ZCCHC2: variants seen among roughly 807,000 people sequenced by gnomAD.
ZCCHC2 encodes zinc finger CCHC domain-containing protein 2.
A neutral mutation model predicts 103.6 loss-of-function variants in ZCCHC2; 39 were observed. That is an observed-to-expected ratio of 0.38 (90% CI 0.29 to 0.49). ZCCHC2 has a LOEUF of 0.49. Ranked by LOEUF, ZCCHC2 falls within the 20% of genes least tolerant of loss-of-function variation. ZCCHC2 has a pLI of 0.96. For synonymous variants in ZCCHC2, 687 were observed against 608.9 expected (o/e 1.13, Z -1.89); for missense variants, 1,483 against 1,491.0 (o/e 0.99, Z 0.09).
chr18:62,525,391 T>G (rs1327238767), intron 1 of ZCCHC2: 2 of 152,206 alleles, frequency 1.3e-5, no homozygotes, highest in Non-Finnish European at 2.9e-5. Context: ...AGATTATTTG[T>G]GGGGTCACAG....
At chr18:62,549,070 T>A (rs1395998656) in intron 4 of ZCCHC2, among the ~76,000 whole-genome samples, 1 of 151,410 alleles carries the variant, frequency 6.6e-6, no homozygotes, top group Non-Finnish European at 1.5e-5. Flanking sequence ...ATACAAAAAA[T>A]TAGCTGGGGG....
At chr18:62,553,946 A>C (rs574349336) in intron 5 of ZCCHC2, among the ~76,000 whole-genome samples, 1 of 152,290 alleles carries the variant, frequency 6.6e-6, no homozygotes, top group African/African-American at 2.4e-5. Context: ...AGATTTATTG[A>C]TCTTTTCTCT....
At chr18:62,551,982 G>A (rs1238923609) in intron 5 of ZCCHC2, 4 of 152,078 alleles carry the variant, frequency 2.6e-5, no homozygotes, top group Admixed American at 2.6e-4. Context: ...AGGGAATTGG[G>A]ACCAGTGAGT....
At chr18:62,579,827 A>T (rs1916993127), downstream of ZCCHC2, among the ~76,000 whole-genome samples, 1 of 151,752 alleles carries the variant, frequency 6.6e-6, no homozygotes, top group South Asian at 2.1e-4. Flanking sequence ...GGTTCAAGTG[A>T]TTCTCCTGCC....
chr18:62,556,705 C>A (rs199800606), intron 6 of ZCCHC2, among the ~76,000 whole-genome samples: 1 of 152,190 alleles, frequency 6.6e-6, no homozygotes, highest in East Asian at 1.9e-4. Context: ...TCTCACTCTG[C>A]CTCTTTGTTT....
In ZCCHC2 at chr18:62,523,271, C is replaced by G. The variant is rs1230875318; in HGVS notation, c.-154C>G. On this transcript the variant is annotated 5_prime_UTR_variant, in exon 1 of 14. Coordinates refer to ENST00000269499, the MANE Select transcript of ZCCHC2 (RefSeq NM_017742.6). ...ACCCCGCCGGCCGGCCACCGCCCCC[C>G]TCGCCGGCCGAGACCCGCCCCCGGC... The G allele has an allele frequency of 6.6e-5, 47 of 710,950 alleles. No individual in the cohort carries two copies. Among genetic ancestry groups the G allele is most frequent in the Non-Finnish European group, 7.9e-5 (46 of 579,558 alleles). 44.0% of individuals were successfully genotyped at this position (710,950 alleles called of 1,614,324 possible). A position where few individuals can be genotyped will look rare whatever the true frequency, so the allele number is the denominator to read the frequency against.
intron 11 of ZCCHC2, among the ~76,000 whole-genome samples, chr18:62,567,968 A>G (rs1916445233): frequency 6.6e-6 from 1 of 150,770 alleles, no homozygotes; most frequent in Non-Finnish European, 1.5e-5. Flanking sequence ...AAGAATGCTC[A>G]TCATTGTAGT....
chr18:62,538,107 G>A (rs1915005949), intron 1 of ZCCHC2, among the ~76,000 whole-genome samples: 1 of 151,950 alleles, frequency 6.6e-6, no homozygotes, highest in Admixed American at 6.6e-5. Flanking sequence ...TTAAGCAATG[G>A]TTGACTGGCC....
intron 13 of ZCCHC2, 34 bp from the exon 14 acceptor site, chr18:62,576,478 A>G: frequency 2.5e-6 from 4 of 1,582,788 alleles, no homozygotes; most frequent in Non-Finnish European, 3.5e-6. Flanking sequence ...GTTTGCTTGT[A>G]AGCGGTGACT....
In ZCCHC2 at chr18:62,576,833, G is replaced by T; in HGVS notation, c.*254G>T. 7 of 277,302 alleles carry T rather than the reference G, an allele frequency of 2.5e-5. No homozygotes were observed. The highest frequency in any genetic ancestry group is 5.7e-5 in the South Asian group (1 of 17,482). The allele number at this position is 277,302 out of a possible 1,614,324, so 17.2% of individuals were successfully genotyped here. ...TTTAAACCTTCAGACAAACTTAAAT[G>T]TTGGTGCGTGCTTTTTTTTTTTTTT... On this transcript the variant is annotated 3_prime_UTR_variant, in exon 14 of 14. Transcript: ENST00000269499.
At chr18:62,564,664 A>G (rs1916269362) in intron 10 of ZCCHC2, 29 bp downstream of exon 10, 1 of 1,472,436 alleles carries the variant, frequency 6.8e-7, no homozygotes, top group Non-Finnish European at 9.2e-7. Context: ...AAGACAGCAT[A>G]TAGCCTTTGA....
rs1313922911 is a variant in ZCCHC2, at chr18:62,564,633, A to G, written c.1749A>G (p.Glu583=). The G allele has an allele frequency of 6.5e-7, 1 of 1,542,062 alleles. No individual in the cohort carries two copies. Among genetic ancestry groups the G allele is most frequent in the Non-Finnish European group, 8.8e-7 (1 of 1,141,520 alleles). The change falls in exon 10 of 14, where the codon GAA becomes GAG. Residue 583 remains glutamate, a splice_region_variant and synonymous_variant. Coordinates refer to ENST00000269499, the MANE Select transcript of ZCCHC2 (RefSeq NM_017742.6). The stretch of plus-strand genomic sequence containing the variant: ...AGAAGAAAGGAAAGCCACAAACAGA[A>G]AAGTAGGTTCAATTTAAGGAAAGAC... ...INKKKGKPQT[E]KEKIKKTDNR...
At position 62,546,352 on chromosome 18, in the gene ZCCHC2, A is replaced by G. The variant is rs73963446; in HGVS notation, c.1200+1479A>G. Reference sequence around the variant, plus strand: ...TGACGTTCTAATTACAGAGGAGGCTAAGCAGGGCTGCCTCACCCCACCGCC... The same window carrying G: ...TGACGTTCTAATTACAGAGGAGGCTGAGCAGGGCTGCCTCACCCCACCGCC... On this transcript the variant is annotated intron_variant, in intron 4 of 13. Coordinates refer to ENST00000269499, the MANE Select transcript of ZCCHC2 (RefSeq NM_017742.6). 6.8e-3 allele frequency among the ~76,000 whole-genome samples: 1,037 copies of G among 152,270 alleles called. 8 individuals carry two copies. Among genetic ancestry groups the G allele is most frequent in the African/African-American group, 0.023 (976 of 41,534 alleles).
At chr18:62,571,440 T>A (rs1489807989) in intron 12 of ZCCHC2, among the ~76,000 whole-genome samples, 1 of 152,256 alleles carries the variant, frequency 6.6e-6, no homozygotes, top group East Asian at 1.9e-4. Flanking sequence ...CAGATCGAGC[T>A]GTTTTTCTTG....
At chr18:62,564,486 CTA>C (rs1393850928) in intron 9 of ZCCHC2, 83 bp from the exon 10 acceptor site, 2 of 986,096 alleles carry the variant, frequency 2.0e-6, no homozygotes, top group African/African-American at 3.3e-5. Flanking sequence ...AACTGGGAAT[CTA>C]TCATTTTAAT....
At chr18:62,553,154 T>TTA (rs1389027221) in intron 5 of ZCCHC2, among the ~76,000 whole-genome samples, 13 of 125,814 alleles carry the variant, frequency 1.0e-4, no homozygotes, top group African/African-American at 3.8e-4. Context: ...GCCCTTAGAT[T>TTA]TATGTGTGTG....
At chr18:62,530,455 A>G (rs918471977) in intron 1 of ZCCHC2, among the ~76,000 whole-genome samples, 1 of 152,192 alleles carries the variant, frequency 6.6e-6, no homozygotes, top group East Asian at 1.9e-4. Context: ...CTTTCTTGAG[A>G]TTAGTGCTCA....
intron 11 of ZCCHC2, 72 bp from the exon 12 acceptor site, chr18:62,570,031 C>G: frequency 7.1e-7 from 1 of 1,417,606 alleles, no homozygotes; most frequent in Non-Finnish European, 9.4e-7. Flanking sequence ...AAATTAATTT[C>G]TAATGATTCA....
chr18:62,548,470 G>A (rs1411233485), intron 4 of ZCCHC2, among the ~76,000 whole-genome samples: 1 of 152,176 alleles, frequency 6.6e-6, no homozygotes, highest in Non-Finnish European at 1.5e-5. Flanking sequence ...TTTGGTAGTT[G>A]AAATAGACTT....
Sources: allele counts gnomAD v4.1 joint callset (sites outside exome capture counted in the v4.1 genomes callset), GRCh38; gene constraint gnomAD v4.1.1; transcripts MANE v1.5; gene names NCBI Gene and HGNC (gene_info 2026-07-23, HGNC 2026-07-21).